Variants in SLC5A1 observed in about 807,000 individuals in gnomAD.
SLC5A1 encodes the protein solute carrier family 5 member 1.
A neutral mutation model predicts 73.5 loss-of-function variants in SLC5A1; 42 were observed. That is an observed-to-expected ratio of 0.57 (90% CI 0.45 to 0.74). The LOEUF is 0.74. SLC5A1 is among the 30% of genes least tolerant of loss of function. SLC5A1 has a pLI of 0.00. For synonymous variants in SLC5A1, 300 were observed against 317.4 expected, an observed-to-expected ratio of 0.95 and a Z score of 0.58; for missense variants, 634 against 855.4, an observed-to-expected ratio of 0.74 and a Z score of 3.23.
intron 5 of SLC5A1, among the ~76,000 whole-genome samples, chr22:32,071,526 G>A (rs1284462423): frequency 6.6e-6 from 1 of 152,176 alleles, no homozygotes; most frequent in Non-Finnish European, 1.5e-5. Flanking sequence ...CTCTCTGCAA[G>A]AAGCTCTCTG....
intron 1 of SLC5A1, among the ~76,000 whole-genome samples, chr22:32,046,540 A>G (rs1158157236): frequency 6.6e-6 from 1 of 152,162 alleles, no homozygotes; most frequent in Non-Finnish European, 1.5e-5. Context: ...CTCTGGGCTC[A>G]GACGCGATGT....
At chr22:32,083,181 A>G (rs767891077) in intron 7 of SLC5A1, 27 bp downstream of exon 7, 5 of 1,594,318 alleles carry the variant, frequency 3.1e-6, no homozygotes, top group South Asian at 2.2e-5. Context: ...CAGGCTGAGG[A>G]GGTGGGAGCA....
chr22:32,085,913 G>T (rs1324738316), intron 9 of SLC5A1, among the ~76,000 whole-genome samples: 1 of 151,986 alleles, frequency 6.6e-6, no homozygotes, highest in Non-Finnish European at 1.5e-5. Context: ...AGGCTGAGGC[G>T]GGTGGATCAC....
chr22:32,106,979 A>G (rs903581458), intron 14 of SLC5A1, among the ~76,000 whole-genome samples: 1 of 152,132 alleles, frequency 6.6e-6, no homozygotes, highest in Non-Finnish European at 1.5e-5. Context: ...TGGTCTTATC[A>G]TCTCATTTTA....
chr22:32,056,293 C>T (rs559820173), intron 2 of SLC5A1, among the ~76,000 whole-genome samples: 10 of 152,160 alleles, frequency 6.6e-5, no homozygotes, highest in East Asian at 5.8e-4. Flanking sequence ...AGTGCTGGGA[C>T]GATAGGTGTG....
Position 32,061,834 on chromosome 22 carries a change from G to A in SLC5A1, c.208-5101G>A, listed in dbSNP as rs2093963589. On this transcript the variant is annotated intron_variant, in intron 2 of 14. Coordinates refer to ENST00000266088, the MANE Select transcript of SLC5A1 (RefSeq NM_000343.4). The stretch of plus-strand genomic sequence containing the variant: ...CTTCATTTTGGATGGCTCATGTTTG[G>A]AATAGTCTATTCAGGTCTGAGGTCC... Among the ~76,000 whole-genome samples the A allele has an allele frequency of 1.3e-5, 2 of 152,166 alleles. 1 individual carries two copies. The highest frequency in any genetic ancestry group is 4.1e-4 in the South Asian group (2 of 4,826).
chr22:32,089,231 T>A (rs2094013029), intron 10 of SLC5A1, among the ~76,000 whole-genome samples: 1 of 152,190 alleles, frequency 6.6e-6, no homozygotes, highest in South Asian at 2.1e-4. Flanking sequence ...TCTTTATAAC[T>A]TCTATATCTC....
chr22:32,056,744 G>A (rs1034248070), intron 2 of SLC5A1, among the ~76,000 whole-genome samples: 1 of 152,260 alleles, frequency 6.6e-6, no homozygotes, highest in Admixed American at 6.5e-5. Flanking sequence ...GACACTCTGG[G>A]TCTTAGATGG....
At chr22:32,067,445 T>C (rs1014434486) in intron 3 of SLC5A1, among the ~76,000 whole-genome samples, 4 of 151,940 alleles carry the variant, frequency 2.6e-5, no homozygotes, top group South Asian at 2.1e-4. Context: ...AATCATAGCC[T>C]ACTGCAGCCT....
intron 10 of SLC5A1, among the ~76,000 whole-genome samples, chr22:32,087,307 T>C (rs930250134): frequency 3.0e-4 from 45 of 152,358 alleles, no homozygotes; most frequent in Non-Finnish European, 2.4e-4. Context: ...ATTAGCTCAA[T>C]TGAGCTAATG....
At chr22:32,069,884 C>G (rs1302464001) in intron 5 of SLC5A1, among the ~76,000 whole-genome samples, 1 of 152,156 alleles carries the variant, frequency 6.6e-6, no homozygotes, top group Non-Finnish European at 1.5e-5. Context: ...GCAGTTGGAA[C>G]GAACTTCTCC....
chr22:32,065,927 C>T (rs1237749558), intron 2 of SLC5A1, among the ~76,000 whole-genome samples: 2 of 152,254 alleles, frequency 1.3e-5, no homozygotes, highest in African/African-American at 4.8e-5. Context: ...AACTACAAGC[C>T]ACTCTTCATC....
chr22:32,075,542 AC>A (rs2093989498), intron 5 of SLC5A1, among the ~76,000 whole-genome samples: 1 of 152,122 alleles, frequency 6.6e-6, no homozygotes, highest in African/African-American at 2.4e-5. Context: ...CTGAATCTAA[AC>A]CTTTTGACAT....
intron 14 of SLC5A1, among the ~76,000 whole-genome samples, chr22:32,105,450 C>A (rs557097626): frequency 6.6e-6 from 1 of 152,024 alleles, no homozygotes; most frequent in African/African-American, 2.4e-5. Flanking sequence ...TGCACCACCA[C>A]GCCCGGCTAA....
intron 11 of SLC5A1, among the ~76,000 whole-genome samples, chr22:32,096,123 T>C (rs2094025884): frequency 2.0e-5 from 3 of 152,218 alleles, no homozygotes; most frequent in Non-Finnish European, 4.4e-5. Context: ...AAGTTCATGA[T>C]GCTAGTCTCT....
intron 9 of SLC5A1, among the ~76,000 whole-genome samples, chr22:32,085,312 G>A (rs932614471): frequency 1.3e-5 from 2 of 151,622 alleles, no homozygotes; most frequent in African/African-American, 2.4e-5. Flanking sequence ...TTTTTGTAGC[G>A]ATGGGATTTT....
At chr22:32,070,301 TCTTCTTC>T (rs1056109573) in intron 5 of SLC5A1, among the ~76,000 whole-genome samples, 145 of 130,706 alleles carry the variant, frequency 1.1e-3, no homozygotes, top group African/African-American at 4.0e-3. Flanking sequence ...TCTTCATTCT[TCTTCTTC>T]CTTCTTCCTT....
At chr22:32,061,048 G>C (rs2093961805) in intron 2 of SLC5A1, among the ~76,000 whole-genome samples, 1 of 152,136 alleles carries the variant, frequency 6.6e-6, no homozygotes, top group Non-Finnish European at 1.5e-5. Flanking sequence ...AATAGGTCTG[G>C]GTGGGTCATT....
chr22:32,083,071 TAGG>T lies in SLC5A1; in HGVS notation c.584-2_584del, dbSNP rs2094002504. 6.2e-7 allele frequency: 1 copy of T among 1,613,922 alleles called. No individual in the cohort carries two copies. Among genetic ancestry groups the T allele is most frequent in the South Asian group, 1.1e-5 (1 of 91,084 alleles). ...CAGATGTGTTGTCTTCTTGCCTGCT[TAGG>T]GGGCCTGGCGGCGGTGATTTACACG... is the stretch of plus-strand genomic sequence containing the variant. On this transcript the variant is annotated splice_acceptor_variant and coding_sequence_variant, in exon 7 of 15. Transcript: ENST00000266088. LOFTEE classifies it high-confidence loss of function.
Sources: gnomAD v4.1 joint callset for allele counts (sites outside exome capture counted in the v4.1 genomes callset) on GRCh38, gnomAD v4.1.1 for gene constraint, MANE v1.5 for transcripts, NCBI Gene and HGNC (gene_info 2026-07-23, HGNC 2026-07-21) for gene names.